The following UNC5D variants were observed in gnomAD, a reference collection of about 807,000 sequenced individuals.
The protein encoded by UNC5D is netrin receptor UNC5D.
UNC5D carries 39 observed loss-of-function variants against 105.4 expected under a neutral mutation model. That is an observed-to-expected ratio of 0.37 (90% CI 0.29 to 0.48). The LOEUF is 0.48. Ranked by LOEUF, UNC5D falls within the 20% of genes least tolerant of loss-of-function variation. The probability of loss-of-function intolerance (pLI) is 0.98; values close to 1 mark genes in which losing one functional copy is unlikely to be tolerated. For missense variants in UNC5D, 991 were observed against 1,202.4 expected, an observed-to-expected ratio of 0.82 and a Z score of 2.60; for synonymous variants, 452 against 450.4, an observed-to-expected ratio of 1.00 and a Z score of -0.04.
At position 35,255,654 on chromosome 8, in the gene UNC5D, G is replaced by A. The variant is rs1804027733; in HGVS notation, c.103+19767G>A. 2.6e-5 allele frequency: 4 copies of A among 152,260 alleles called. No homozygotes were observed. The South Asian group carries it at 8.3e-4, about 32-fold the overall frequency. 9.4% of individuals were successfully genotyped at this position (152,260 alleles called of 1,614,324 possible). A position where few individuals can be genotyped will look rare whatever the true frequency, so the allele number is the denominator to read the frequency against. ...CTCTTCTGACAACTGTAGACACAGA[G>A]AAATTGGGGTGTGTTTAGTTAGAAT... On this transcript the variant is annotated intron_variant, in intron 1 of 16. Coordinates refer to ENST00000404895, the MANE Select transcript of UNC5D (RefSeq NM_080872.4).
intron 1 of UNC5D, among the ~76,000 whole-genome samples, chr8:35,545,929 T>C (rs1815640147): frequency 6.6e-6 from 1 of 152,172 alleles, no homozygotes; most frequent in African/African-American, 2.4e-5. Flanking sequence ...TGTCTCTCTC[T>C]GTCACCCAGG....
rs569930279 is a variant in UNC5D at position 35,284,156 on chromosome 8, A to G, written c.103+48269A>G. 4.6e-5 allele frequency among the ~76,000 whole-genome samples: 7 copies of G among 152,334 alleles called. No homozygotes were observed. In the South Asian group the frequency reaches 1.4e-3, roughly 32 times the overall value. On this transcript the variant is annotated intron_variant, in intron 1 of 16. Coordinates refer to ENST00000404895, the MANE Select transcript of UNC5D (RefSeq NM_080872.4). ...ATATTAAACTATATTATGCTAGTGT[A>G]TGCTTTTCTCTGAAAAAATCATACT...
rs1031486155 is a variant in UNC5D at position 35,795,197 on chromosome 8, C to CA, written c.*4640dup. 4 of 151,994 alleles carry CA rather than the reference C, an allele frequency of 2.6e-5. No homozygotes were observed. The highest frequency in any genetic ancestry group is 9.6e-5 in the African/African-American group (4 of 41,474). The allele number at this position is 151,994 out of a possible 1,614,324, so 9.4% of individuals were successfully genotyped here. A position where few individuals can be genotyped will look rare whatever the true frequency, so the allele number is the denominator to read the frequency against. ...GCAGGGCCCCATCTTACTTATTTTTCAAAAAAGTTATAGCTTTGAATTATA... is the reference window on the plus strand; with the variant it reads ...GCAGGGCCCCATCTTACTTATTTTTCAAAAAAAGTTATAGCTTTGAATTATA... On this transcript the variant is annotated 3_prime_UTR_variant, in exon 17 of 17. Coordinates refer to ENST00000404895, the MANE Select transcript of UNC5D (RefSeq NM_080872.4).
intron 1 of UNC5D, among the ~76,000 whole-genome samples, chr8:35,512,539 G>GTATGTA (rs1812814677): frequency 2.5e-5 from 1 of 40,272 alleles, no homozygotes; most frequent in African/African-American, 1.3e-4. Flanking sequence ...AGATATGTAT[G>GTATGTA]TATATATATA....
In UNC5D at chr8:35,791,440, A is replaced by G. The variant is rs1803037387; in HGVS notation, c.*877A>G. 1 of 152,202 alleles carries G rather than the reference A, an allele frequency of 6.6e-6. No homozygotes were observed. The highest frequency in any genetic ancestry group is 1.5e-5 in the Non-Finnish European group (1 of 68,032). The allele number at this position is 152,202 out of a possible 1,614,324, so 9.4% of individuals were successfully genotyped here. A position where few individuals can be genotyped will look rare whatever the true frequency, so the allele number is the denominator to read the frequency against. ...GGACAGGAGAGATTAAAGCAGGTTC[A>G]AAAACACATGAACTGCAGATGCCAT... On this transcript the variant is annotated 3_prime_UTR_variant, in exon 17 of 17. Coordinates refer to ENST00000404895, the MANE Select transcript of UNC5D (RefSeq NM_080872.4).
At position 35,726,537 on chromosome 8, in the gene UNC5D, G is replaced by A; in HGVS notation, c.1681+8G>A. 1.2e-6 allele frequency: 2 copies of A among 1,608,884 alleles called. No individual in the cohort carries two copies. Among genetic ancestry groups the A allele is most frequent in the Non-Finnish European group, 1.7e-6 (2 of 1,179,446 alleles). On this transcript the variant is annotated splice_region_variant and intron_variant, in intron 10 of 16. Transcript: ENST00000404895. ...TAGTAATGCCAAATACAGGTGGGTG[G>A]TAAGTGTGTGTTTGTGTATTTTCCA...
In UNC5D at chr8:35,520,502, C is replaced by T. The variant is rs139758527; in HGVS notation, c.104-28790C>T. Among the ~76,000 whole-genome samples the T allele has an allele frequency of 3.2e-3, 486 of 152,180 alleles. 2 individuals carry two copies. The highest frequency in any genetic ancestry group is 0.014 in the Middle Eastern group (4 of 294). ...AGATTGTGGTGGTAGTTGTACAGCTCTGTGACTATATTAGAACCATTGAAT... is the reference window on the plus strand; with the variant it reads ...AGATTGTGGTGGTAGTTGTACAGCTTTGTGACTATATTAGAACCATTGAAT... On this transcript the variant is annotated intron_variant, in intron 1 of 16. Transcript: ENST00000404895.
intron 1 of UNC5D, chr8:35,544,428 A>G (rs1815491735): frequency 1.9e-6 from 3 of 1,612,222 alleles, no homozygotes; most frequent in Non-Finnish European, 2.5e-6. Flanking sequence ...AAAAAGCTGT[A>G]ATATGTTATC....
At chr8:35,749,160 AT>A (rs900007998) in intron 12 of UNC5D, among the ~76,000 whole-genome samples, 4 of 151,252 alleles carry the variant, frequency 2.6e-5, no homozygotes, top group Admixed American at 6.6e-5. Context: ...AGGGCTTAAT[AT>A]TTTTTTTTAG....
chr8:35,734,630 G>C (rs1829367784), intron 11 of UNC5D, among the ~76,000 whole-genome samples: 3 of 151,958 alleles, frequency 2.0e-5, no homozygotes, highest in Admixed American at 1.3e-4. Flanking sequence ...GGCTGGTCTT[G>C]AACTCCCGAC....
chr8:35,582,253 C>A (rs1818508215), intron 3 of UNC5D, among the ~76,000 whole-genome samples: 1 of 152,196 alleles, frequency 6.6e-6, no homozygotes. Flanking sequence ...CTCAGATCCC[C>A]ATGATAGCTC....
chr8:35,311,774 C>T (rs1233552476), intron 1 of UNC5D, among the ~76,000 whole-genome samples: 1 of 152,028 alleles, frequency 6.6e-6, no homozygotes, highest in Admixed American at 6.6e-5. Context: ...AGAAGGAAGA[C>T]CCTAGAGACA....
At chr8:35,633,594 ATT>A (rs971823450) in intron 4 of UNC5D, among the ~76,000 whole-genome samples, 1 of 150,944 alleles carries the variant, frequency 6.6e-6, no homozygotes, top group African/African-American at 2.5e-5. Flanking sequence ...CAAAAAAAAA[ATT>A]TTTTTTAAAT....
intron 1 of UNC5D, among the ~76,000 whole-genome samples, chr8:35,325,027 A>T (rs1189257393): frequency 6.6e-6 from 1 of 152,184 alleles, no homozygotes; most frequent in Non-Finnish European, 1.5e-5. Context: ...CAACCTTGTA[A>T]AGACTGAAAG....
At chr8:35,754,775 T>C (rs1830440212) in intron 13 of UNC5D, among the ~76,000 whole-genome samples, 1 of 152,202 alleles carries the variant, frequency 6.6e-6, no homozygotes, top group African/African-American at 2.4e-5. Context: ...GGGTAGCTTA[T>C]CTGAGTAATA....
At chr8:35,550,021 A>G (rs1032760620) in intron 2 of UNC5D, among the ~76,000 whole-genome samples, 1 of 144,324 alleles carries the variant, frequency 6.9e-6, no homozygotes, top group Non-Finnish European at 1.5e-5. Flanking sequence ...TCCTAGCAGG[A>G]TCTCCAGTAT....
At chr8:35,336,015 A>G (rs1811008628) in intron 1 of UNC5D, among the ~76,000 whole-genome samples, 1 of 152,056 alleles carries the variant, frequency 6.6e-6, no homozygotes, top group South Asian at 2.1e-4. Context: ...CGCCTGCATT[A>G]GCCTCCCAAA....
intron 1 of UNC5D, among the ~76,000 whole-genome samples, chr8:35,302,637 T>C (rs1808046720): frequency 6.6e-6 from 1 of 152,212 alleles, no homozygotes; most frequent in Non-Finnish European, 1.5e-5. Context: ...TTTAAAAAAA[T>C]CTTTTAATTT....
rs540856710 is a variant in UNC5D at position 35,563,919 on chromosome 8, G to T, written c.323-4179G>T. On this transcript the variant is annotated intron_variant, in intron 2 of 16. Coordinates refer to ENST00000404895, the MANE Select transcript of UNC5D (RefSeq NM_080872.4). ...GTTAATATGATGTGTCATGTTTATT[G>T]ATTTGCATATGTTGAAGTGTCCTCA... is the stretch of plus-strand genomic sequence containing the variant. 2.5e-4 allele frequency among the ~76,000 whole-genome samples: 38 copies of T among 151,988 alleles called. 1 individual carries two copies. The highest frequency in any genetic ancestry group is 8.4e-4 in the African/African-American group (35 of 41,470).
Sources: gnomAD v4.1 joint callset for allele counts (sites outside exome capture counted in the v4.1 genomes callset) on GRCh38, gnomAD v4.1.1 for gene constraint, MANE v1.5 for transcripts, NCBI Gene and HGNC (gene_info 2026-07-23, HGNC 2026-07-21) for gene names.